Variants in SPIC observed in about 807,000 individuals in gnomAD.
SPIC encodes the protein Spi-C transcription factor.
Under a neutral mutation model 16.7 loss-of-function variants are expected in SPIC, and 9 were observed. That is an observed-to-expected ratio of 0.54 (90% CI 0.33 to 0.94). The LOEUF (loss-of-function observed/expected upper bound fraction) is 0.94, where lower values mean the gene tolerates loss of function less well. Among genes scored for constraint, SPIC ranks in the 40% least tolerant of loss-of-function variants. The pLI, the probability that SPIC is intolerant of heterozygous loss-of-function variation, is 0.03. For missense variants in SPIC, 241 were observed against 285.8 expected (o/e 0.84, Z 1.13); for synonymous variants, 97 against 102.9 (o/e 0.94, Z 0.35).
chr12:101,476,251 G>T (rs577472367), intron 1 of SPIC, among the ~76,000 whole-genome samples: 3 of 152,174 alleles, frequency 2.0e-5, no homozygotes, highest in African/African-American at 7.2e-5. Context: ...TTTCTCTAAA[G>T]CAAAATCAGA....
chr12:101,480,831 T>G (rs771120468), intron 4 of SPIC, among the ~76,000 whole-genome samples: 5 of 152,142 alleles, frequency 3.3e-5, no homozygotes, highest in Non-Finnish European at 5.9e-5. Context: ...AAAAAAAAAT[T>G]TTGTAAATAA....
intron 3 of SPIC, among the ~76,000 whole-genome samples, chr12:101,478,290 C>CA (rs1485342124): frequency 2.0e-5 from 3 of 152,078 alleles, no homozygotes; most frequent in Non-Finnish European, 4.4e-5. Context: ...CTCGGCCTCC[C>CA]AAAGCGCTGG....
In SPIC at chr12:101,486,611, C is replaced by G. The variant is rs925958601; in HGVS notation, c.587C>G (p.Ala196Gly). ...RRKLTYQFSE[A>G]ILQRLSPSYF... ...AAGCTGACTTACCAGTTCAGTGAGG[C>G]CATTCTCCAAAGACTCTCTCCATCC... The change falls in exon 6 of 6, where the codon GCC (alanine) becomes GGC (glycine). Residue 196 changes from alanine to glycine, a missense_variant. Physicochemically the swap from Ala to Gly is moderately conservative, Grantham distance 60. Transcript: ENST00000551346. The G allele has an allele frequency of 5.0e-6, 8 of 1,613,954 alleles. No individual in the cohort carries two copies. The highest frequency in any genetic ancestry group is 1.7e-4 in the Middle Eastern group (1 of 6,058).
intron 4 of SPIC, 74 bp downstream of exon 4, chr12:101,479,768 C>T (rs1565831561): frequency 9.1e-7 from 1 of 1,094,642 alleles, no homozygotes; most frequent in Non-Finnish European, 1.3e-6. Context: ...CATACACTGT[C>T]TGAAACCCAG....
intron 5 of SPIC, 150 bp downstream of exon 5, chr12:101,483,050 C>A: frequency 1.6e-6 from 1 of 613,674 alleles, no homozygotes; most frequent in Non-Finnish European, 2.8e-6. Flanking sequence ...CTTCTTGAAA[C>A]AGTCCAAGCC....
intron 5 of SPIC, among the ~76,000 whole-genome samples, chr12:101,484,339 A>G (rs1976415): frequency 0.72 from 108,900 of 151,304 alleles, 40,129 homozygotes; most frequent in African/African-American, 0.88. Flanking sequence ...TTCGAGACGA[A>G]CCTGGCCAAC....
Position 101,486,718 on chromosome 12 carries a change from A to G in SPIC, c.694A>G (p.Asn232Asp). The change falls in exon 6 of 6, where the codon AAT (asparagine) becomes GAT (aspartate). Residue 232 changes from asparagine (N) to aspartate (D), a missense_variant. Transcript: ENST00000551346. ...EYLSLNNWNANYNYTYANYHE... is the reference protein window; with the variant it reads ...EYLSLNNWNADYNYTYANYHE... ...TCTCAGTTTAAATAACTGGAATGCA[A>G]ATTATAATTATACATATGCCAATTA... The G allele has an allele frequency of 6.2e-7, 1 of 1,603,328 alleles. No homozygotes were observed. The highest frequency in any genetic ancestry group is 8.5e-7 in the Non-Finnish European group (1 of 1,173,148).
chr12:101,483,609 A>G (rs1873277013), intron 5 of SPIC, among the ~76,000 whole-genome samples: 1 of 152,020 alleles, frequency 6.6e-6, no homozygotes, highest in African/African-American at 2.4e-5. Context: ...CTCCACTATC[A>G]TCTTTTTTTT....
rs963541274 is a variant in SPIC at position 101,479,568 on chromosome 12, T to G, written c.98-14T>G. The G allele has an allele frequency of 1.9e-6, 3 of 1,602,716 alleles. No homozygotes were observed. The highest frequency in any genetic ancestry group is 2.6e-6 in the Non-Finnish European group (3 of 1,172,364). ...CTTTGACTTTTTTAGTTTCTTTCTC[T>G]GATTTAAAATTAGATTACAGAAATT... On this transcript the variant is annotated splice_polypyrimidine_tract_variant and intron_variant, in intron 3 of 5. Coordinates refer to ENST00000551346, the MANE Select transcript of SPIC (RefSeq NM_152323.3).
intron 5 of SPIC, 146 bp from the exon 6 acceptor site, chr12:101,486,198 C>A: frequency 1.4e-6 from 1 of 702,406 alleles, no homozygotes. Flanking sequence ...TAAAATGATG[C>A]CATCATGCAT....
chr12:101,480,885 C>T (rs1873167134), intron 4 of SPIC, among the ~76,000 whole-genome samples: 1 of 152,148 alleles, frequency 6.6e-6, no homozygotes, highest in Non-Finnish European at 1.5e-5. Flanking sequence ...TAACCTCTTC[C>T]ACCTCCACTT....
intron 3 of SPIC, among the ~76,000 whole-genome samples, chr12:101,478,125 G>A (rs1156598035): frequency 2.2e-4 from 32 of 146,904 alleles, no homozygotes; most frequent in African/African-American, 6.8e-4. Flanking sequence ...TCCTCCTCCC[G>A]GGTTCACGCC....
Position 101,486,386 on chromosome 12 carries a change from T to C in SPIC, c.362T>C (p.Leu121Pro). ...CTGTTTGAATACCTTCACGAATCCCTGTATAATCCGGAGATGGCATCTTGT... is the reference window on the plus strand; with the variant it reads ...CTGTTTGAATACCTTCACGAATCCCCGTATAATCCGGAGATGGCATCTTGT... ...LRLFEYLHESLYNPEMASCIQ... is the reference protein window; with the variant it reads ...LRLFEYLHESPYNPEMASCIQ... Residue 121 changes from leucine (L) to proline (P), a missense_variant, in exon 6 of 6, where the codon CTG becomes CCG. Coordinates refer to ENST00000551346, the MANE Select transcript of SPIC (RefSeq NM_152323.3). 6.2e-7 allele frequency: 1 copy of C among 1,613,742 alleles called. No homozygotes were observed. Among genetic ancestry groups the C allele is most frequent in the Non-Finnish European group, 8.5e-7 (1 of 1,179,920 alleles).
chr12:101,481,447 G>T (rs1045496004), intron 4 of SPIC, among the ~76,000 whole-genome samples: 1 of 151,846 alleles, frequency 6.6e-6, no homozygotes, highest in African/African-American at 2.4e-5. Flanking sequence ...GGGTTCAAGC[G>T]ATTCTCCTGC....
In SPIC at chr12:101,486,607, G is replaced by A. The variant is rs1416624152; in HGVS notation, c.583G>A (p.Glu195Lys). The A allele has an allele frequency of 1.2e-6, 2 of 1,614,054 alleles. No homozygotes were observed. The highest frequency in any genetic ancestry group is 3.3e-5 in the Admixed American group (2 of 60,000). Residue 195 changes from glutamate (E) to lysine (K), a missense_variant, in exon 6 of 6, where the codon GAG becomes AAG. Physicochemically the swap from Glu to Lys is moderately conservative, Grantham distance 56. Coordinates refer to ENST00000551346, the MANE Select transcript of SPIC (RefSeq NM_152323.3). ...IRRKLTYQFS[E>K]AILQRLSPSY... Reference sequence around the variant, plus strand: ...GAGGAAGCTGACTTACCAGTTCAGTGAGGCCATTCTCCAAAGACTCTCTCC... The same window carrying A: ...GAGGAAGCTGACTTACCAGTTCAGTAAGGCCATTCTCCAAAGACTCTCTCC...
Position 101,479,599 on chromosome 12 carries a change from G to C in SPIC, c.115G>C (p.Ala39Pro). 6.2e-7 allele frequency: 1 copy of C among 1,612,486 alleles called. No individual in the cohort carries two copies. Among genetic ancestry groups the C allele is most frequent in the Non-Finnish European group, 8.5e-7 (1 of 1,179,264 alleles). The change falls in exon 4 of 6, where the codon GCT becomes CCT. Residue 39 changes from alanine to proline, a missense_variant. Transcript: ENST00000551346. ...QYSPDYRNYLALINHRPHVKG... is the reference protein window; with the variant it reads ...QYSPDYRNYLPLINHRPHVKG... ...AAAATTAGATTACAGAAATTACCTG[G>C]CTTTAATCAACCATCGTCCTCATGT...
intron 5 of SPIC, among the ~76,000 whole-genome samples, chr12:101,483,124 G>A (rs138253145): frequency 7.4e-6 from 1 of 134,568 alleles, no homozygotes; most frequent in Non-Finnish European, 1.6e-5. Context: ...GTCTCACTCT[G>A]TTGTCCAGGC....
In SPIC at chr12:101,479,211, A is replaced by G. The variant is rs199958700; in HGVS notation, c.98-371A>G. Among the ~76,000 whole-genome samples the G allele has an allele frequency of 4.9e-3, 628 of 127,084 alleles. 15 individuals are homozygous for G. Among genetic ancestry groups the G allele is most frequent in the South Asian group, 0.029 (107 of 3,678 alleles). The allele number at this position is 127,084 out of a possible 152,430, so 83.4% of individuals were successfully genotyped here. The stretch of plus-strand genomic sequence containing the variant: ...AAGAAAGAAAGAAAGAAAGAAAGAA[A>G]GAAAGAAAGAAGGAAAGAAAGAAAG... On this transcript the variant is annotated intron_variant, in intron 3 of 5. Transcript: ENST00000551346.
chr12:101,482,193 T>C (rs1277258820), intron 4 of SPIC, among the ~76,000 whole-genome samples: 1 of 150,286 alleles, frequency 6.7e-6, no homozygotes, highest in African/African-American at 2.5e-5. Flanking sequence ...GATCGCGCCA[T>C]TGCACTCCAG....
Sources: gnomAD v4.1 joint callset for allele counts (sites outside exome capture counted in the v4.1 genomes callset) on GRCh38, gnomAD v4.1.1 for gene constraint, MANE v1.5 for transcripts, NCBI Gene and HGNC (gene_info 2026-07-23, HGNC 2026-07-21) for gene names.